The following SLC6A11 variants were observed in gnomAD, a reference collection of about 807,000 sequenced individuals.
The protein encoded by SLC6A11 is sodium- and chloride-dependent GABA transporter 3.
Under a neutral mutation model 74.8 loss-of-function variants are expected in SLC6A11, and 25 were observed. That is an observed-to-expected ratio of 0.33 (90% CI 0.24 to 0.47). The LOEUF (loss-of-function observed/expected upper bound fraction) is 0.47, where lower values mean the gene tolerates loss of function less well. SLC6A11 is among the 20% of genes least tolerant of loss of function. The pLI is 1.00. For missense variants in SLC6A11, 574 were observed against 837.0 expected, an observed-to-expected ratio of 0.69 and a Z score of 3.88; for synonymous variants, 330 against 330.2, an observed-to-expected ratio of 1.00 and a Z score of 0.01.
chr3:10,831,296 C>T (rs999751008), intron 4 of SLC6A11, among the ~76,000 whole-genome samples: 1 of 152,098 alleles, frequency 6.6e-6, no homozygotes. Context: ...GTTTATTTTG[C>T]GATATGACCT....
chr3:10,861,646 G>A (rs940343510), intron 5 of SLC6A11, among the ~76,000 whole-genome samples: 17 of 152,186 alleles, frequency 1.1e-4, no homozygotes, highest in African/African-American at 3.9e-4. Context: ...GCAAAGATAG[G>A]AGATGAGCAA....
intron 6 of SLC6A11, among the ~76,000 whole-genome samples, chr3:10,892,936 G>A (rs1201865365): frequency 6.6e-6 from 1 of 152,112 alleles, no homozygotes; most frequent in Non-Finnish European, 1.5e-5. Context: ...AACATTCCTG[G>A]GTGTTAATCC....
At position 10,893,740 on chromosome 3, in the gene SLC6A11, G is replaced by A. The variant is rs116713562; in HGVS notation, c.892-18350G>A. Among the ~76,000 whole-genome samples the A allele has an allele frequency of 5.2e-3, 798 of 152,192 alleles. 6 individuals carry two copies. Among genetic ancestry groups the A allele is most frequent in the African/African-American group, 0.018 (760 of 41,514 alleles). On this transcript the variant is annotated intron_variant, in intron 6 of 13. Coordinates refer to ENST00000254488, the MANE Select transcript of SLC6A11 (RefSeq NM_014229.3). ...TTGTGGGTTGGTTCTACCTGCACAT[G>A]CCCACCCCCTGGACTCTACTATGGG...
At chr3:10,927,252 C>T (rs533258018) in intron 9 of SLC6A11, among the ~76,000 whole-genome samples, 32 of 152,282 alleles carry the variant, frequency 2.1e-4, no homozygotes, top group African/African-American at 7.2e-4. Flanking sequence ...GCAGCTTATG[C>T]GTGACAGGCC....
At chr3:10,843,989 A>G (rs1694470403) in intron 4 of SLC6A11, among the ~76,000 whole-genome samples, 2 of 152,206 alleles carry the variant, frequency 1.3e-5, no homozygotes, top group South Asian at 4.1e-4. Context: ...CTACATCTGC[A>G]GACTTGCCTA....
chr3:10,925,311 T>G (rs535409284), intron 8 of SLC6A11, among the ~76,000 whole-genome samples: 1 of 152,218 alleles, frequency 6.6e-6, no homozygotes. Context: ...TCAAAACCAC[T>G]TTTTTTAGAT....
chr3:10,829,389 GCA>G (rs1419390271), intron 4 of SLC6A11, among the ~76,000 whole-genome samples: 1 of 152,164 alleles, frequency 6.6e-6, no homozygotes, highest in East Asian at 1.9e-4. Flanking sequence ...CAAGGCCTGT[GCA>G]CAGTTGCTCT....
At chr3:10,922,250 A>G (rs996552929) in intron 8 of SLC6A11, among the ~76,000 whole-genome samples, 3 of 152,206 alleles carry the variant, frequency 2.0e-5, no homozygotes, top group Non-Finnish European at 2.9e-5. Flanking sequence ...AATGTATTTC[A>G]TGAAATTGAG....
intron 7 of SLC6A11, among the ~76,000 whole-genome samples, chr3:10,913,894 C>T (rs1410975830): frequency 2.0e-5 from 3 of 152,258 alleles, no homozygotes; most frequent in South Asian, 2.1e-4. Flanking sequence ...GGGGTTTCAC[C>T]GTGTTAGCCA....
chr3:10,846,866 C>T (rs1398589618), intron 5 of SLC6A11, among the ~76,000 whole-genome samples: 1 of 152,144 alleles, frequency 6.6e-6, no homozygotes, highest in Admixed American at 6.5e-5. Flanking sequence ...TCAACACTGA[C>T]CCCAGGCTAC....
At chr3:10,892,570 T>C (rs544903921) in intron 6 of SLC6A11, among the ~76,000 whole-genome samples, 1 of 115,928 alleles carries the variant, frequency 8.6e-6, no homozygotes, top group African/African-American at 5.0e-5. Flanking sequence ...ACTGTCTTCC[T>C]TTTTTTTTTT....
At chr3:10,853,384 G>C (rs934423612) in intron 5 of SLC6A11, among the ~76,000 whole-genome samples, 1 of 152,206 alleles carries the variant, frequency 6.6e-6, no homozygotes, top group Non-Finnish European at 1.5e-5. Context: ...TGTCACCTGC[G>C]GGCAATGGCC....
intron 10 of SLC6A11, among the ~76,000 whole-genome samples, chr3:10,929,993 A>C (rs981664459): frequency 1.3e-5 from 2 of 152,146 alleles, no homozygotes; most frequent in Non-Finnish European, 2.9e-5. Context: ...TTCTCCCCAT[A>C]TACACAAAAT....
chr3:10,925,755 A>G (rs1695596362), intron 8 of SLC6A11, among the ~76,000 whole-genome samples: 2 of 152,162 alleles, frequency 1.3e-5, no homozygotes, highest in Admixed American at 6.5e-5. Context: ...GGATCAGCTG[A>G]ACCTAGGCTT....
chr3:10,882,029 A>G (rs1694987390), intron 6 of SLC6A11, among the ~76,000 whole-genome samples: 2 of 152,178 alleles, frequency 1.3e-5, no homozygotes, highest in African/African-American at 4.8e-5. Flanking sequence ...GCCCCTCCAC[A>G]TGTGGGCAGC....
intron 5 of SLC6A11, among the ~76,000 whole-genome samples, chr3:10,848,395 C>T (rs568939443): frequency 1.3e-5 from 2 of 152,310 alleles, no homozygotes; most frequent in South Asian, 4.1e-4. Context: ...TGTTCTTCTC[C>T]ACAAACCCCC....
chr3:10,854,983 C>CGATGGATGGGTGGGTGAGTA (rs1360233666), intron 5 of SLC6A11, among the ~76,000 whole-genome samples: 11 of 149,532 alleles, frequency 7.4e-5, no homozygotes, highest in Non-Finnish European at 1.3e-4. Flanking sequence ...GTGGGTAAGT[C>CGATGGATGGGTGGGTGAGTA]GATGGATGGG....
At chr3:10,898,708 G>T (rs947066515) in intron 6 of SLC6A11, among the ~76,000 whole-genome samples, 2 of 152,120 alleles carry the variant, frequency 1.3e-5, no homozygotes, top group Admixed American at 1.3e-4. Flanking sequence ...TTCCCACATT[G>T]TTCTATCTTC....
chr3:10,903,464 A>G (rs1004838065), intron 6 of SLC6A11, among the ~76,000 whole-genome samples: 4 of 152,146 alleles, frequency 2.6e-5, no homozygotes, highest in African/African-American at 7.2e-5. Flanking sequence ...ATGTTGTATG[A>G]GAGCTTATCT....
Sources: gnomAD v4.1 joint callset for allele counts (sites outside exome capture counted in the v4.1 genomes callset) on GRCh38, gnomAD v4.1.1 for gene constraint, MANE v1.5 for transcripts, NCBI Gene and HGNC (gene_info 2026-07-23, HGNC 2026-07-21) for gene names.